The following GSK3B variants were observed in gnomAD, a reference collection of about 807,000 sequenced individuals.
The protein encoded by GSK3B is glycogen synthase kinase-3 beta.
A neutral mutation model predicts 56.4 loss-of-function variants in GSK3B; 15 were observed. The observed-to-expected ratio is 0.27, with a 90% CI of 0.18 to 0.41. The LOEUF is 0.41. Among genes scored for constraint, GSK3B ranks in the 10% least tolerant of loss-of-function variants. The pLI, the probability that GSK3B is intolerant of heterozygous loss-of-function variation, is 1.00. For synonymous variants in GSK3B, 181 were observed against 188.9 expected (o/e 0.96, Z 0.34); for missense variants, 300 against 513.4 (o/e 0.58, Z 4.02).
intron 1 of GSK3B, among the ~76,000 whole-genome samples, chr3:120,004,595 T>A (rs1342767244): frequency 6.6e-6 from 1 of 152,222 alleles, no homozygotes. Flanking sequence ...CAATATCTGC[T>A]GTTCTGCAGC....
chr3:119,942,486 G>A (rs1000422447), intron 3 of GSK3B, among the ~76,000 whole-genome samples: 1 of 152,058 alleles, frequency 6.6e-6, no homozygotes, highest in African/African-American at 2.4e-5. Context: ...TTTTAGTAGA[G>A]ATGGGGTTTC....
chr3:119,908,557 G>A (rs754965658), intron 6 of GSK3B, among the ~76,000 whole-genome samples: 6 of 152,078 alleles, frequency 3.9e-5, no homozygotes, highest in Admixed American at 2.0e-4. Flanking sequence ...AACCCAGGTC[G>A]ACCACAAGCA....
Position 120,094,405 on chromosome 3 carries a change from C to G in GSK3B, c.-971G>C. ...GCCCGGGCGGCGGCGGCGGCGGCGG[C>G]GGCACAAGCCCGCATTCGCCCGGGT... On this transcript the variant is annotated 5_prime_UTR_variant, in exon 1 of 11. Transcript: ENST00000264235. The G allele has an allele frequency of 3.1e-6, 1 of 322,600 alleles. No individual in the cohort carries two copies. The highest frequency in any genetic ancestry group is 5.7e-6 in the Non-Finnish European group (1 of 174,606). 20.0% of individuals were successfully genotyped at this position (322,600 alleles called of 1,614,324 possible).
At chr3:120,086,869 A>G (rs1446815935) in intron 1 of GSK3B, among the ~76,000 whole-genome samples, 1 of 152,138 alleles carries the variant, frequency 6.6e-6, no homozygotes, top group South Asian at 2.1e-4. Flanking sequence ...CCCTGGAACT[A>G]TATGAACCTA....
chr3:120,080,840 AG>A (rs2058413043), intron 1 of GSK3B, among the ~76,000 whole-genome samples: 1 of 152,042 alleles, frequency 6.6e-6, no homozygotes, highest in Non-Finnish European at 1.5e-5. Context: ...AAAAAAAAAA[AG>A]AAAAAAAATT....
chr3:120,043,787 C>G (rs2058081761), intron 1 of GSK3B, among the ~76,000 whole-genome samples: 1 of 152,186 alleles, frequency 6.6e-6, no homozygotes, highest in Admixed American at 6.5e-5. Context: ...ACTTTTACGG[C>G]TTAAGAGTAA....
chr3:120,010,700 T>A (rs2057771049), intron 1 of GSK3B, among the ~76,000 whole-genome samples: 1 of 152,160 alleles, frequency 6.6e-6, no homozygotes, highest in Admixed American at 6.5e-5. Context: ...TGCCTGTAAG[T>A]GAGCCAAGAC....
At position 119,934,483 on chromosome 3, in the gene GSK3B, A is replaced by G. The variant is rs116066007; in HGVS notation, c.367-11000T>C. 5.1e-3 allele frequency among the ~76,000 whole-genome samples: 779 copies of G among 152,376 alleles called. 7 individuals carry two copies. Among genetic ancestry groups the G allele is most frequent in the African/African-American group, 0.018 (758 of 41,586 alleles). ...ACCAAGGAAAGTCTAAGAAACTGCC[A>G]TGCAGGTAAGTAAGATAAGACCACT... On this transcript the variant is annotated intron_variant, in intron 3 of 10. Transcript: ENST00000264235.
At chr3:119,944,511 T>A (rs2057081194) in intron 3 of GSK3B, among the ~76,000 whole-genome samples, 1 of 152,166 alleles carries the variant, frequency 6.6e-6, no homozygotes, top group African/African-American at 2.4e-5. Flanking sequence ...TGAAGACTGG[T>A]CACCTCCTGA....
chr3:119,900,364 T>G (rs896351380), intron 7 of GSK3B, among the ~76,000 whole-genome samples: 1 of 152,110 alleles, frequency 6.6e-6, no homozygotes, highest in East Asian at 1.9e-4. Flanking sequence ...ATGATATAAA[T>G]GAAACTATCT....
chr3:120,090,454 C>T (rs994842560), intron 1 of GSK3B, among the ~76,000 whole-genome samples: 2 of 152,138 alleles, frequency 1.3e-5, no homozygotes, highest in Non-Finnish European at 2.9e-5. Context: ...CCTACCCTCT[C>T]ACCTCAGCAC....
intron 2 of GSK3B, among the ~76,000 whole-genome samples, chr3:119,985,149 G>C (rs1352015551): frequency 6.6e-6 from 1 of 152,110 alleles, no homozygotes; most frequent in Non-Finnish European, 1.5e-5. Context: ...AGCCCCTCAT[G>C]CTAAAATTCT....
intron 1 of GSK3B, among the ~76,000 whole-genome samples, chr3:120,010,713 C>T (rs915461138): frequency 2.3e-4 from 35 of 152,194 alleles, no homozygotes; most frequent in African/African-American, 7.2e-4. Flanking sequence ...GCCAAGACTG[C>T]GCCACTGCAT....
chr3:119,933,634 T>C (rs1276229813), intron 3 of GSK3B, among the ~76,000 whole-genome samples: 1 of 152,194 alleles, frequency 6.6e-6, no homozygotes, highest in Non-Finnish European at 1.5e-5. Flanking sequence ...CCCAGCACTT[T>C]GGGAGGCCGA....
At chr3:119,869,233 A>AAAAAAC (rs2056222164) in intron 8 of GSK3B, among the ~76,000 whole-genome samples, 2 of 150,184 alleles carry the variant, frequency 1.3e-5, no homozygotes, top group Non-Finnish European at 3.0e-5. Context: ...CAAAAAAAAA[A>AAAAAAC]AAAAAAAAAA....
At chr3:119,960,151 C>CAAAAAAAAAA (rs574956694) in intron 2 of GSK3B, among the ~76,000 whole-genome samples, 4 of 74,636 alleles carry the variant, frequency 5.4e-5, no homozygotes, top group African/African-American at 1.0e-4. Flanking sequence ...TATGCTGAGA[C>CAAAAAAAAAA]AAAAAAAAAA....
intron 2 of GSK3B, among the ~76,000 whole-genome samples, chr3:119,998,299 T>C (rs776620390): frequency 2.8e-4 from 43 of 152,204 alleles, no homozygotes; most frequent in Non-Finnish European, 4.9e-4. Flanking sequence ...CCTTGCCATG[T>C]AGGAAGCTAA....
At position 119,912,824 on chromosome 3, in the gene GSK3B, A is replaced by T. The variant is rs1054234673; in HGVS notation, c.609-14T>A. The T allele has an allele frequency of 2.2e-6, 3 of 1,343,362 alleles. No homozygotes were observed. The highest frequency in any genetic ancestry group is 3.5e-5 in the Admixed American group (2 of 56,920). The allele number at this position is 1,343,362 out of a possible 1,614,324, so 83.2% of individuals were successfully genotyped here. ...AGCTGCTTTGCACTAACAGAAAAAAAATAAAAATAAAAAGCAGAAATTCTT... is the reference window on the plus strand; with the variant it reads ...AGCTGCTTTGCACTAACAGAAAAAATATAAAAATAAAAAGCAGAAATTCTT... On this transcript the variant is annotated splice_polypyrimidine_tract_variant and intron_variant, in intron 5 of 10. Coordinates refer to ENST00000264235, the MANE Select transcript of GSK3B (RefSeq NM_001146156.2).
chr3:119,839,107 A>G (rs2055735044), intron 10 of GSK3B, among the ~76,000 whole-genome samples: 1 of 152,238 alleles, frequency 6.6e-6, no homozygotes, highest in African/African-American at 2.4e-5. Context: ...GAACAATTAC[A>G]TATTCCCAGA....
Sources: allele counts gnomAD v4.1 joint callset (sites outside exome capture counted in the v4.1 genomes callset), GRCh38; gene constraint gnomAD v4.1.1; transcripts MANE v1.5; gene names NCBI Gene and HGNC (gene_info 2026-07-23, HGNC 2026-07-21).